Variants in RND1 observed in about 807,000 individuals in gnomAD.
The protein encoded by RND1 is Rho family GTPase 1, also known as rho-related GTP-binding protein Rho6.
A neutral mutation model predicts 27.1 loss-of-function variants in RND1; 9 were observed. The observed-to-expected ratio is 0.33, with a 90% CI of 0.20 to 0.58. The LOEUF is 0.58. RND1 is among the 20% of genes least tolerant of loss of function. RND1 has a pLI of 0.86. For synonymous variants in RND1, 108 were observed against 115.7 expected, an observed-to-expected ratio of 0.93 and a Z score of 0.43; for missense variants, 253 against 292.2, an observed-to-expected ratio of 0.87 and a Z score of 0.98.
Position 48,861,011 on chromosome 12 carries a change from T to C in RND1, c.439A>G (p.Ile147Val). ...TGCGCACACACCTGCTCATAGGAGA[T>C]GGGCGCCTGCTTCTGGTGGGACAGC... ...MELSHQKQAPISYEQGCAIAK... is the reference protein window; with the variant it reads ...MELSHQKQAPVSYEQGCAIAK... Residue 147 changes from isoleucine to valine, a missense_variant, in exon 4 of 5, where the codon ATC (isoleucine) becomes GTC (valine). Ile to Val is a conservative substitution (Grantham distance 29, BLOSUM62 3). Transcript: ENST00000309739. The C allele has an allele frequency of 1.2e-6, 2 of 1,613,616 alleles. No individual in the cohort carries two copies. The highest frequency in any genetic ancestry group is 1.3e-5 in the African/African-American group (1 of 75,032).
intron 4 of RND1, 28 bp downstream of exon 4, chr12:48,860,969 C>A (rs375176775): frequency 1.3e-5 from 21 of 1,612,260 alleles, no homozygotes; most frequent in Non-Finnish European, 1.7e-5. Context: ...CACTCCACCC[C>A]ACGACATGCA....
intron 2 of RND1, among the ~76,000 whole-genome samples, chr12:48,864,167 A>G (rs1291575695): frequency 6.6e-6 from 1 of 152,094 alleles, no homozygotes; most frequent in African/African-American, 2.4e-5. Flanking sequence ...CTTCCAAAAC[A>G]TCGATGATGC....
Position 48,864,787 on chromosome 12 carries a change from G to A in RND1, c.204C>T (p.Thr68=). ...TATTTGGAGCAGAATTCTTACCTGA[G>A]GTATCCCAGAGACTAAGCTCCACCC... ...EQRVELSLWD[T]SGSPYYDNVR... The change falls in exon 2 of 5, where the codon ACC becomes ACT. Residue 68 remains threonine, a synonymous_variant. Transcript: ENST00000309739. 3 of 1,611,246 alleles carry A rather than the reference G, an allele frequency of 1.9e-6. No homozygotes were observed. The highest frequency in any genetic ancestry group is 2.5e-6 in the Non-Finnish European group (3 of 1,177,406).
At chr12:48,860,850 A>T in intron 4 of RND1, 147 bp downstream of exon 4, 1 of 1,108,924 alleles carries the variant, frequency 9.0e-7, no homozygotes. Context: ...GGTGCCCACC[A>T]CCTCTCTCCA....
At position 48,864,428 on chromosome 12, in the gene RND1, C is replaced by CGCGCGCGCGT. The variant is rs776739044; in HGVS notation, c.208+354_208+355insACGCGCGCGC. On this transcript the variant is annotated intron_variant, in intron 2 of 4. Coordinates refer to ENST00000309739, the MANE Select transcript of RND1 (RefSeq NM_014470.4). ...GTGTGTGTGTGTGTGCGCGCGCGCG[C>CGCGCGCGCGT]GTGTGTGTGCATGTGTGTACGCGTG... 3.5e-4 allele frequency among the ~76,000 whole-genome samples: 52 copies of CGCGCGCGCGT among 147,560 alleles called. 1 individual carries two copies. Among genetic ancestry groups the CGCGCGCGCGT allele is most frequent in the South Asian group, 1.5e-3 (7 of 4,684 alleles).
rs562811071 is a variant in RND1 at position 48,860,989 on chromosome 12, G to A, written c.453+8C>T. ...CACCCCACGACATGCACTTGCATGC[G>A]CACACACCTGCTCATAGGAGATGGG... On this transcript the variant is annotated splice_region_variant and intron_variant, in intron 4 of 4. Coordinates refer to ENST00000309739, the MANE Select transcript of RND1 (RefSeq NM_014470.4). The A allele has an allele frequency of 6.1e-5, 98 of 1,612,842 alleles. No individual in the cohort carries two copies. In the East Asian group the frequency reaches 1.7e-3, roughly 28 times the overall value.
chr12:48,860,557 A>ATT (rs34655698), intron 4 of RND1, among the ~76,000 whole-genome samples: 184 of 70,606 alleles, frequency 2.6e-3, no homozygotes, highest in Non-Finnish European at 3.1e-3. Flanking sequence ...ACACCCAGCT[A>ATT]TTTTTTTTTT....
intron 2 of RND1, among the ~76,000 whole-genome samples, chr12:48,863,795 A>G (rs1938949522): frequency 1.3e-5 from 2 of 152,118 alleles, no homozygotes; most frequent in Admixed American, 1.3e-4. Flanking sequence ...AGCAGGAAAC[A>G]CCTAGTGATT....
At chr12:48,860,191 C>A (rs1220656163) in intron 4 of RND1, among the ~76,000 whole-genome samples, 2 of 151,302 alleles carry the variant, frequency 1.3e-5, no homozygotes, top group Non-Finnish European at 2.9e-5. Context: ...TCAAGCGATT[C>A]TCCTGCCTCA....
At chr12:48,865,068 AC>A (rs370186626) in intron 1 of RND1, among the ~76,000 whole-genome samples, 198 bp from the exon 2 acceptor site, 7 of 150,904 alleles carry the variant, frequency 4.6e-5, no homozygotes, top group Admixed American at 1.3e-4. Flanking sequence ...TGTGAATGAC[AC>A]CCCCCCACAC....
intron 2 of RND1, among the ~76,000 whole-genome samples, chr12:48,862,797 C>T (rs1938933470): frequency 6.6e-6 from 1 of 152,182 alleles, no homozygotes; most frequent in Non-Finnish European, 1.5e-5. Context: ...GGGAAATAGG[C>T]AATGCAGACC....
At chr12:48,864,976 G>A (rs1216296588) in intron 1 of RND1, 106 bp from the exon 2 acceptor site, 1 of 871,804 alleles carries the variant, frequency 1.1e-6, no homozygotes, top group Non-Finnish European at 2.0e-6. Context: ...AGTCACAGGA[G>A]ACAAGAAACC....
At chr12:48,860,020 C>T (rs1489975242) in intron 4 of RND1, among the ~76,000 whole-genome samples, 1 of 151,372 alleles carries the variant, frequency 6.6e-6, no homozygotes. Flanking sequence ...TGAAGTGATC[C>T]ACCTGCCTCC....
At chr12:48,863,334 T>C (rs1938942773) in intron 2 of RND1, among the ~76,000 whole-genome samples, 4 of 150,878 alleles carry the variant, frequency 2.7e-5, no homozygotes, top group Non-Finnish European at 5.9e-5. Flanking sequence ...GGGGTGGGGG[T>C]GTGACACAGG....
Position 48,861,015 on chromosome 12 carries a change from C to T in RND1, c.435G>A (p.Ala145=), listed in dbSNP as rs1422048821. ...TLMELSHQKQ[A]PISYEQGCAI... ...CACACACCTGCTCATAGGAGATGGG[C>T]GCCTGCTTCTGGTGGGACAGCTCCA... The change falls in exon 4 of 5, where the codon GCG becomes GCA. Residue 145 remains alanine (A), a synonymous_variant. Coordinates refer to ENST00000309739, the MANE Select transcript of RND1 (RefSeq NM_014470.4). 2.4e-5 allele frequency: 39 copies of T among 1,613,542 alleles called. No homozygotes were observed. Among genetic ancestry groups the T allele is most frequent in the Middle Eastern group, 3.5e-4 (2 of 5,640 alleles).
At chr12:48,862,220 A>T (rs1212722133) in intron 2 of RND1, 102 bp from the exon 3 acceptor site, 12 of 663,100 alleles carry the variant, frequency 1.8e-5, no homozygotes, top group Non-Finnish European at 2.9e-5. Context: ...ATCCCTGAGG[A>T]TCCACCCATC....
chr12:48,865,867 A>G lies in RND1; in HGVS notation c.-100T>C, dbSNP rs1938981705. Reference sequence around the variant, plus strand: ...CAAGCCAGATTCCCTGCCTCCCTCCAACTGAGGAGGAGGCCGGCACAGCCG... The same window carrying G: ...CAAGCCAGATTCCCTGCCTCCCTCCGACTGAGGAGGAGGCCGGCACAGCCG... On this transcript the variant is annotated 5_prime_UTR_variant, in exon 1 of 5. Coordinates refer to ENST00000309739, the MANE Select transcript of RND1 (RefSeq NM_014470.4). The G allele has an allele frequency of 2.0e-6, 3 of 1,482,644 alleles. No homozygotes were observed. Among genetic ancestry groups the G allele is most frequent in the Non-Finnish European group, 2.7e-6 (3 of 1,117,702 alleles). The allele number at this position is 1,482,644 out of a possible 1,614,324, so 91.8% of individuals were successfully genotyped here.
At chr12:48,863,009 G>A (rs3782360) in intron 2 of RND1, among the ~76,000 whole-genome samples, 64,938 of 151,670 alleles carry the variant, frequency 0.43, 14,309 homozygotes, top group Admixed American at 0.54. Flanking sequence ...GAATACAGGG[G>A]AGTTGGGATA....
chr12:48,857,421 T>C lies in RND1; in HGVS notation c.*575A>G, dbSNP rs1938857348. On this transcript the variant is annotated 3_prime_UTR_variant, in exon 5 of 5. Coordinates refer to ENST00000309739, the MANE Select transcript of RND1 (RefSeq NM_014470.4). ...CTTAGGTGAGAAGCATGTGAATGTATGATGTCACCTCTCCATGAGGCATGG... is the reference window on the plus strand; with the variant it reads ...CTTAGGTGAGAAGCATGTGAATGTACGATGTCACCTCTCCATGAGGCATGG... The C allele has an allele frequency of 6.5e-6, 1 of 152,696 alleles. No individual in the cohort carries two copies. Among genetic ancestry groups the C allele is most frequent in the South Asian group, 2.1e-4 (1 of 4,826 alleles). The allele number at this position is 152,696 out of a possible 1,614,324, so 9.5% of individuals were successfully genotyped here. A position where few individuals can be genotyped will look rare whatever the true frequency, so the allele number is the denominator to read the frequency against.
Sources: gnomAD v4.1 joint callset for allele counts (sites outside exome capture counted in the v4.1 genomes callset) on GRCh38, gnomAD v4.1.1 for gene constraint, MANE v1.5 for transcripts, NCBI Gene and HGNC (gene_info 2026-07-23, HGNC 2026-07-21) for gene names.